PPT1: variants seen among roughly 807,000 people sequenced by gnomAD.
PPT1 encodes palmitoyl-protein thioesterase 1, also known as ceroid-palmitoyl-palmitoyl-protein thioesterase 1.
PPT1 carries 24 observed loss-of-function variants against 44.0 expected under a neutral mutation model. The observed-to-expected ratio is 0.54, with a 90% confidence interval of 0.39 to 0.77. The LOEUF (loss-of-function observed/expected upper bound fraction) is 0.77. Ranked by LOEUF, PPT1 falls within the 30% of genes least tolerant of loss-of-function variation. The pLI, the probability that PPT1 is intolerant of heterozygous loss-of-function variation, is 0.00. For missense variants in PPT1, 341 were observed against 378.8 expected, an observed-to-expected ratio of 0.90 and a Z score of 0.83; for synonymous variants, 148 against 140.2, an observed-to-expected ratio of 1.06 and a Z score of -0.39.
intron 5 of PPT1, among the ~76,000 whole-genome samples, chr1:40,083,466 T>C (rs905279132): frequency 6.6e-6 from 1 of 152,008 alleles, no homozygotes; most frequent in Admixed American, 6.6e-5. Context: ...AAAACTATTT[T>C]TTTTAATTAA....
chr1:40,082,038 C>T (rs546873204), intron 5 of PPT1: 1 of 152,486 alleles, frequency 6.6e-6, no homozygotes, highest in East Asian at 1.9e-4. Flanking sequence ...TTTATACTTT[C>T]TTTCCAATCT....
At chr1:40,083,232 G>A (rs1361057296) in intron 5 of PPT1, among the ~76,000 whole-genome samples, 1 of 152,206 alleles carries the variant, frequency 6.6e-6, no homozygotes, top group Non-Finnish European at 1.5e-5. Flanking sequence ...AGGACCATTT[G>A]AGGCCAGGAG....
At chr1:40,081,389 A>G (rs979954003) in intron 5 of PPT1, among the ~76,000 whole-genome samples, 1 of 152,004 alleles carries the variant, frequency 6.6e-6, no homozygotes, top group Non-Finnish European at 1.5e-5. Context: ...TACAAAAATT[A>G]GCCAGGCACG....
chr1:40,085,068 A>G (rs552516237), intron 5 of PPT1, among the ~76,000 whole-genome samples: 22 of 152,266 alleles, frequency 1.4e-4, no homozygotes, highest in Admixed American at 5.9e-4. Context: ...AGGGCGTGAC[A>G]TCAGTCAGGC....
chr1:40,075,958 C>CAAAAAAAAAAAA (rs56338772), intron 8 of PPT1, among the ~76,000 whole-genome samples: 1 of 41,832 alleles, frequency 2.4e-5, no homozygotes, highest in African/African-American at 1.1e-4. Context: ...AAGACTGTCT[C>CAAAAAAAAAAAA]AAAAAAAAAA....
intron 5 of PPT1, 50 bp downstream of exon 5, chr1:40,089,360 T>C (rs1649431163): frequency 7.0e-7 from 1 of 1,426,018 alleles, no homozygotes; most frequent in Non-Finnish European, 9.9e-7. Context: ...GTCAGCATGA[T>C]ATTTTCACAC....
At chr1:40,089,714 C>G in intron 4 of PPT1, 1 of 653,192 alleles carries the variant, frequency 1.5e-6, no homozygotes, top group Non-Finnish European at 2.8e-6. Flanking sequence ...GCCTAAGGAT[C>G]TTTTTACCTG....
At chr1:40,074,553 C>T (rs567585170) in intron 8 of PPT1, among the ~76,000 whole-genome samples, 2 of 151,642 alleles carry the variant, frequency 1.3e-5, no homozygotes, top group Non-Finnish European at 2.9e-5. Flanking sequence ...CTGCAACCTC[C>T]ACTTCTCTGG....
chr1:40,076,547 G>A (rs192349900), intron 8 of PPT1: 18 of 950,602 alleles, frequency 1.9e-5, no homozygotes, highest in Admixed American at 1.8e-4. Context: ...AAGGCAGCTA[G>A]TTTTAAAACC....
rs146468043 is a variant in PPT1, at chr1:40,081,197, G to A, written c.537-710C>T. ...TACAGGGGTGGGTCTTTCCTGTGCT[G>A]TTCTCGTGACAGTGAATAAGTCTCA... On this transcript the variant is annotated intron_variant, in intron 5 of 8. Coordinates refer to ENST00000642050, the MANE Select transcript of PPT1 (RefSeq NM_000310.4). Among the ~76,000 whole-genome samples, 116 of 152,242 alleles carry A rather than the reference G, an allele frequency of 7.6e-4. 2 individuals are homozygous for A. Among genetic ancestry groups the A allele is most frequent in the African/African-American group, 2.4e-3 (99 of 41,522 alleles).
intron 3 of PPT1, 132 bp downstream of exon 3, chr1:40,091,913 C>A: frequency 3.6e-6 from 4 of 1,096,230 alleles, no homozygotes; most frequent in Non-Finnish European, 5.3e-6. Flanking sequence ...AAGCTTCTTA[C>A]ACAGGAACAT....
At chr1:40,087,407 T>C (rs962680551) in intron 5 of PPT1, among the ~76,000 whole-genome samples, 4 of 151,930 alleles carry the variant, frequency 2.6e-5, no homozygotes, top group Non-Finnish European at 4.4e-5. Flanking sequence ...CACGCCTGCC[T>C]AATTTTTGTA....
intron 1 of PPT1, among the ~76,000 whole-genome samples, chr1:40,093,664 A>C (rs993932561): frequency 2.6e-5 from 4 of 152,100 alleles, no homozygotes; most frequent in Non-Finnish European, 5.9e-5. Context: ...AGGTGGGTGG[A>C]TCACAAGGTC....
At chr1:40,085,173 C>T (rs922137390) in intron 5 of PPT1, among the ~76,000 whole-genome samples, 4 of 152,152 alleles carry the variant, frequency 2.6e-5, no homozygotes, top group Non-Finnish European at 4.4e-5. Flanking sequence ...ATCCTGTACA[C>T]CTGGCTCTGC....
At chr1:40,071,723 ATCT>A, downstream of PPT1, 2 of 572,682 alleles carry the variant, frequency 3.5e-6, no homozygotes, top group Non-Finnish European at 6.2e-6. Context: ...AGGTCAGTTG[ATCT>A]TCTGCAGGAA....
At chr1:40,085,275 C>T (rs1442231929) in intron 5 of PPT1, among the ~76,000 whole-genome samples, 5 of 152,168 alleles carry the variant, frequency 3.3e-5, no homozygotes, top group African/African-American at 2.4e-5. Context: ...TCTCTCTCTC[C>T]CCACCTCGGC....
Position 40,078,627 on chromosome 1 carries a change from A to G in PPT1, c.659T>C (p.Met220Thr). The change falls in exon 7 of 9, where the codon ATG becomes ACG. Residue 220 changes from methionine to threonine, a missense_variant. Transcript: ENST00000642050. ...CACCATCACAAACTTCTTCAGGGCC[A>G]TCAGGTTTTTCTTGTAGGACTCATT... ...GINESYKKNL[M>T]ALKKFVMVKF... The G allele has an allele frequency of 6.2e-7, 1 of 1,613,956 alleles. No homozygotes were observed. The highest frequency in any genetic ancestry group is 8.5e-7 in the Non-Finnish European group (1 of 1,179,876).
chr1:40,072,250 A>T, downstream of PPT1: 1 of 278,562 alleles, frequency 3.6e-6, no homozygotes, highest in Non-Finnish European at 5.8e-6. Context: ...TGACTTTAAA[A>T]GGAAAAAAAA....
chr1:40,076,057 A>G (rs1292794928), intron 8 of PPT1, among the ~76,000 whole-genome samples: 1 of 151,590 alleles, frequency 6.6e-6, no homozygotes, highest in Non-Finnish European at 1.5e-5. Context: ...CTTAAGATAC[A>G]GGACCTACTG....
Sources: gnomAD v4.1 joint callset for allele counts (sites outside exome capture counted in the v4.1 genomes callset) on GRCh38, gnomAD v4.1.1 for gene constraint, MANE v1.5 for transcripts, NCBI Gene and HGNC (gene_info 2026-07-23, HGNC 2026-07-21) for gene names.